Variants in HECTD3 observed in about 807,000 individuals in gnomAD.
The protein encoded by HECTD3 is E3 ubiquitin-protein ligase HECTD3.
Under a neutral mutation model 109.3 loss-of-function variants are expected in HECTD3, and 72 were observed. The observed-to-expected ratio is 0.66, with a 90% CI of 0.54 to 0.80. HECTD3 has a LOEUF of 0.80. HECTD3 is among the 30% of genes least tolerant of loss of function. HECTD3 has a pLI of 0.00. For missense variants in HECTD3, 1,041 were observed against 1,165.2 expected, an observed-to-expected ratio of 0.89 and a Z score of 1.55; for synonymous variants, 481 against 471.8, an observed-to-expected ratio of 1.02 and a Z score of -0.25.
At position 45,004,059 on chromosome 1, in the gene HECTD3, C is replaced by A; in HGVS notation, c.2347+1G>T. ...GTGTCACCCTGCCCTCCTCCACTGA[C>A]CGTTGGTGAAGTTGTTCAGTGCCTC... On this transcript the variant is annotated splice_donor_variant, in intron 18 of 20. Coordinates refer to ENST00000372172, the MANE Select transcript of HECTD3 (RefSeq NM_024602.6). LOFTEE classifies it high-confidence loss of function. 6.2e-7 allele frequency: 1 copy of A among 1,614,048 alleles called. No individual in the cohort carries two copies. The highest frequency in any genetic ancestry group is 8.5e-7 in the Non-Finnish European group (1 of 1,179,996).
In HECTD3 at chr1:45,009,170, A is replaced by G; in HGVS notation, c.1046T>C (p.Ile349Thr). The G allele has an allele frequency of 6.2e-7, 1 of 1,614,006 alleles. No individual in the cohort carries two copies. The highest frequency in any genetic ancestry group is 8.5e-7 in the Non-Finnish European group (1 of 1,179,956). ...LEDMTVHLPI[I>T]EIRIVECRDD... ...TCGGCACTCCACGATGCGGATCTCG[A>G]TGATCGGGAGGTGGACGGTCATGTC... is the stretch of plus-strand genomic sequence containing the variant. The change falls in exon 7 of 21, where the codon ATC (isoleucine) becomes ACC (threonine). Residue 349 changes from isoleucine to threonine, a missense_variant. Around this residue, in one of 2 missense-constraint regions of HECTD3, gnomAD observed 569 missense variants for 715.3 expected, o/e 0.80. Coordinates refer to ENST00000372172, the MANE Select transcript of HECTD3 (RefSeq NM_024602.6).
chr1:45,007,082 GACC>G (rs1644741971), intron 11 of HECTD3, 67 bp from the exon 12 acceptor site: 8 of 1,589,558 alleles, frequency 5.0e-6, no homozygotes, highest in Non-Finnish European at 8.6e-7. Flanking sequence ...TCAGCTCAGA[GACC>G]ACCTGGGAAA....
chr1:45,008,176 G>T, intron 9 of HECTD3, 64 bp downstream of exon 9: 1 of 1,307,542 alleles, frequency 7.6e-7, no homozygotes, highest in Non-Finnish European at 1.1e-6. Flanking sequence ...CTCTGCTAAG[G>T]AATGAACAAC....
chr1:45,008,793 G>T (rs1331914483), intron 7 of HECTD3, 92 bp from the exon 8 acceptor site: 7 of 1,241,220 alleles, frequency 5.6e-6, no homozygotes, highest in Non-Finnish European at 5.8e-6. Flanking sequence ...GCTCAGCCTT[G>T]TGTCACCGTT....
chr1:45,005,725 G>T (rs1414596090), intron 15 of HECTD3, 69 bp downstream of exon 15: 1 of 1,262,358 alleles, frequency 7.9e-7, no homozygotes, highest in Non-Finnish European at 1.1e-6. Flanking sequence ...ACAAGGTACA[G>T]AACAGCCTTA....
chr1:45,005,877 C>T lies in HECTD3; in HGVS notation c.1852G>A (p.Ala618Thr). Residue 618 changes from alanine to threonine, a missense_variant, in exon 15 of 21, where the codon GCC (alanine) becomes ACC (threonine). Ala to Thr is a moderately conservative substitution (Grantham distance 58, BLOSUM62 0). Coordinates refer to ENST00000372172, the MANE Select transcript of HECTD3 (RefSeq NM_024602.6). ...TGCTTCCACACAAAACCAGGCAGGG[C>T]CAGGACCTGTGTGACAAACACTCCC... ...ALRGKEFLVL[A>T]LPGFVWKQLS... 6.2e-7 allele frequency: 1 copy of T among 1,606,718 alleles called. No individual in the cohort carries two copies. The highest frequency in any genetic ancestry group is 8.5e-7 in the Non-Finnish European group (1 of 1,176,294).
intron 7 of HECTD3, 83 bp downstream of exon 7, chr1:45,009,061 T>C: frequency 8.7e-7 from 1 of 1,145,436 alleles, no homozygotes; most frequent in Middle Eastern, 2.0e-4. Context: ...TCCAAGCCCA[T>C]CCTCTTCTCT....
rs778922305 is a variant in HECTD3, at chr1:45,010,598, G to A, written c.478C>T (p.His160Tyr). The A allele has an allele frequency of 8.4e-5, 136 of 1,613,294 alleles. No individual in the cohort carries two copies. The highest frequency in any genetic ancestry group is 1.6e-4 in the Middle Eastern group (1 of 6,080). The change falls in exon 2 of 21, where the codon CAC (histidine) becomes TAC (tyrosine). Residue 160 changes from histidine (H) to tyrosine (Y), a missense_variant. By Grantham distance (83) the His-to-Tyr change is moderately conservative. Around this residue, in one of 2 missense-constraint regions of HECTD3, gnomAD observed 472 missense variants for 449.9 expected, o/e 1.05. Transcript: ENST00000372172. The stretch of plus-strand genomic sequence containing the variant: ...AAGAGCTGCTGCTGCCGCTGGAGGT[G>A]GTTGGGAGTGTCGATGGGTACCAGG... The part of the protein sequence containing the change: ...ARLVPIDTPN[H>Y]LQRQQQLFGV...
At position 45,004,348 on chromosome 1, in the gene HECTD3, C is replaced by G; in HGVS notation, c.2172G>C (p.Lys724Asn). The G allele has an allele frequency of 6.2e-7, 1 of 1,614,124 alleles. No homozygotes were observed. Among genetic ancestry groups the G allele is most frequent in the East Asian group, 2.2e-5 (1 of 44,888 alleles). ...AGTCCAGCACAGCCTGTGGTACCAC[C>G]TTCAGCAGACCTGCCTGCATAGCTG... is the stretch of plus-strand genomic sequence containing the variant. ...QVAAMQAGLLKVVPQAVLDLL... is the reference protein window; with the variant it reads ...QVAAMQAGLLNVVPQAVLDLL... The change falls in exon 17 of 21, where the codon AAG (lysine) becomes AAC (asparagine). Residue 724 changes from lysine to asparagine, a missense_variant. Lys to Asn is a moderately conservative substitution (Grantham distance 94). Around this residue, in one of 2 missense-constraint regions of HECTD3, gnomAD observed 569 missense variants for 715.3 expected, o/e 0.80. Coordinates refer to ENST00000372172, the MANE Select transcript of HECTD3 (RefSeq NM_024602.6).
In HECTD3 at chr1:45,004,335, C is replaced by G. The variant is rs751621651; in HGVS notation, c.2185G>C (p.Ala729Pro). 1 of 1,614,082 alleles carries G rather than the reference C, an allele frequency of 6.2e-7. No homozygotes were observed. The highest frequency in any genetic ancestry group is 1.1e-5 in the South Asian group (1 of 91,090). Residue 729 changes from alanine (A) to proline (P), a missense_variant, in exon 17 of 21, where the codon GCT (alanine) becomes CCT (proline). Ala to Pro is a conservative substitution (Grantham distance 27). Coordinates refer to ENST00000372172, the MANE Select transcript of HECTD3 (RefSeq NM_024602.6). ...TGCCAGGTCAGCAAGTCCAGCACAG[C>G]CTGTGGTACCACCTTCAGCAGACCT... ...QAGLLKVVPQ[A>P]VLDLLTWQEL...
chr1:45,009,802 T>C, intron 4 of HECTD3, 119 bp from the exon 5 acceptor site: 1 of 1,063,354 alleles, frequency 9.4e-7, no homozygotes, highest in Non-Finnish European at 1.4e-6. Flanking sequence ...AGGCAACTGG[T>C]ATGGGATAGG....
Position 45,007,126 on chromosome 1 carries a change from TTG to T in HECTD3, c.1556+91_1556+92del, listed in dbSNP as rs56343463. 5.4e-3 allele frequency: 6,798 copies of T among 1,249,688 alleles called. 19 individuals carry two copies. Among genetic ancestry groups the T allele is most frequent in the African/African-American group, 0.026 (1,712 of 66,272 alleles). The allele number at this position is 1,249,688 out of a possible 1,614,324, so 77.4% of individuals were successfully genotyped here. ...TCATGGCGAGGGGTGCCTCGAGCAG[TTG>T]TGTGTGTGTGTGTGTGTGTGTGTGT... On this transcript the variant is annotated intron_variant, in intron 11 of 20. Coordinates refer to ENST00000372172, the MANE Select transcript of HECTD3 (RefSeq NM_024602.6).
At chr1:45,007,037 T>C (rs1416276151) in intron 11 of HECTD3, 22 bp from the exon 12 acceptor site, 2 of 1,613,862 alleles carry the variant, frequency 1.2e-6, no homozygotes, top group Admixed American at 3.3e-5. Flanking sequence ...GTGGGCAGAT[T>C]TGTCATTATG....
At chr1:45,009,033 C>T (rs1337814204) in intron 7 of HECTD3, 111 bp downstream of exon 7, 1 of 890,472 alleles carries the variant, frequency 1.1e-6, no homozygotes, top group African/African-American at 1.6e-5. Flanking sequence ...GTTAGTTCAG[C>T]ATCGCCTTCA....
Position 45,003,920 on chromosome 1 carries a change from G to A in HECTD3, c.2364C>T (p.Phe788=), listed in dbSNP as rs1210979668. The A allele has an allele frequency of 6.2e-7, 1 of 1,613,484 alleles. No homozygotes were observed. Among genetic ancestry groups the A allele is most frequent in the Non-Finnish European group, 8.5e-7 (1 of 1,179,740 alleles). Residue 788 remains phenylalanine (F), a synonymous_variant, in exon 19 of 21, where the codon TTC becomes TTT. Coordinates refer to ENST00000372172, the MANE Select transcript of HECTD3 (RefSeq NM_024602.6). The surrounding 1 kb of genome is among the most constrained non-coding windows in gnomAD (Gnocchi z 4.7). ...NNFTNEDRSR[F]LRFVTGRSRL... ...GACTGCGGCCCGTGACAAAGCGCAG[G>A]AAGCGGCTCCGGTCCTCTGGAGGGA...
In HECTD3 at chr1:45,003,898, T is replaced by C. The variant is rs749279077; in HGVS notation, c.2386A>G (p.Ser796Gly). 1.2e-6 allele frequency: 2 copies of C among 1,613,348 alleles called. No homozygotes were observed. Among genetic ancestry groups the C allele is most frequent in the African/African-American group, 2.7e-5 (2 of 74,866 alleles). Residue 796 changes from serine (S) to glycine (G), a missense_variant, in exon 19 of 21, where the codon AGT becomes GGT. Coordinates refer to ENST00000372172, the MANE Select transcript of HECTD3 (RefSeq NM_024602.6). The surrounding 1 kb of genome is among the most constrained non-coding windows in gnomAD (Gnocchi z 4.7). ...SRFLRFVTGR[S>G]RLPARIYIYP... ...ATGTAGATCCGTGCTGGCAGGCGACTGCGGCCCGTGACAAAGCGCAGGAAG... is the reference window on the plus strand; with the variant it reads ...ATGTAGATCCGTGCTGGCAGGCGACCGCGGCCCGTGACAAAGCGCAGGAAG...
rs1179899386 is a variant in HECTD3, at chr1:45,007,404, G to A, written c.1503+9C>T. 4 of 1,613,694 alleles carry A rather than the reference G, an allele frequency of 2.5e-6. No individual in the cohort carries two copies. Among genetic ancestry groups the A allele is most frequent in the Non-Finnish European group, 3.4e-6 (4 of 1,179,800 alleles). Reference sequence around the variant, plus strand: ...ATCCTATCTCAGTCGGACCCTAGGTGGTGCAGACCTGGGTGAAGACTGCAT... The same window carrying A: ...ATCCTATCTCAGTCGGACCCTAGGTAGTGCAGACCTGGGTGAAGACTGCAT... On this transcript the variant is annotated intron_variant, in intron 10 of 20. Coordinates refer to ENST00000372172, the MANE Select transcript of HECTD3 (RefSeq NM_024602.6).
Position 45,010,286 on chromosome 1 carries a change from G to A in HECTD3, c.538C>T (p.Gln180Ter). 1 of 1,613,910 alleles carries A rather than the reference G, an allele frequency of 6.2e-7. No homozygotes were observed. The highest frequency in any genetic ancestry group is 8.5e-7 in the Non-Finnish European group (1 of 1,179,942). Residue 180 changes from glutamine (Q) to a stop codon, truncating the protein, a stop_gained, in exon 3 of 21, where the codon CAG becomes TAG. Coordinates refer to ENST00000372172, the MANE Select transcript of HECTD3 (RefSeq NM_024602.6). LOFTEE classifies it high-confidence loss of function. ...TGTGAGTATGTCAGGTCCACCACCT[G>A]TTCCCACCTGTGGGCACAGAGTAGG... ...VDYRPVLRWE[Q>*]VVDLTYSHRL... is the part of the protein sequence containing the mutation.
At position 45,009,234 on chromosome 1, in the gene HECTD3, G is replaced by A; in HGVS notation, c.990-8C>T. On this transcript the variant is annotated splice_region_variant and splice_polypyrimidine_tract_variant and intron_variant, in intron 6 of 20. Transcript: ENST00000372172. ...ACATCCCCGATGAGGGTCCTGAGGA[G>A]ATGAGTGTGAAGCACTTCAGATACC... 1 of 1,610,314 alleles carries A rather than the reference G, an allele frequency of 6.2e-7. No individual in the cohort carries two copies. The highest frequency in any genetic ancestry group is 8.5e-7 in the Non-Finnish European group (1 of 1,176,502).
Sources: allele counts gnomAD v4.1 joint callset, GRCh38; gene constraint gnomAD v4.1.1; regional missense constraint gnomAD v4.1.1; non-coding constraint Gnocchi (gnomAD v3.1); transcripts MANE v1.5; gene names NCBI Gene and HGNC (gene_info 2026-07-23, HGNC 2026-07-21).